Variants in SMCO4 observed in about 807,000 individuals in gnomAD.
The protein encoded by SMCO4 is single-pass membrane and coiled-coil domain-containing protein 4.
In SMCO4, 4 loss-of-function variants were observed where a neutral mutation model predicts 3.6. The ratio of observed to expected loss-of-function variants is 1.11; its 90% confidence interval spans 0.54 to 2.53. The LOEUF is 2.53. Among genes scored for constraint, SMCO4 ranks in the 30% most tolerant of loss-of-function variants. The pLI, the probability that SMCO4 is intolerant of heterozygous loss-of-function variation, is 0.02. For synonymous variants in SMCO4, 36 were observed against 35.3 expected (o/e 1.02, Z -0.07); for missense variants, 70 against 80.8 (o/e 0.87, Z 0.51).
chr11:93,479,684 A>T (rs1948569056), intron 2 of SMCO4, among the ~76,000 whole-genome samples: 1 of 152,182 alleles, frequency 6.6e-6, no homozygotes, highest in Non-Finnish European at 1.5e-5. Flanking sequence ...AACTGCAGGC[A>T]GCCTGCAGTC....
At chr11:93,531,012 T>C (rs1226861089) in intron 1 of SMCO4, among the ~76,000 whole-genome samples, 2 of 152,260 alleles carry the variant, frequency 1.3e-5, no homozygotes, top group East Asian at 3.8e-4. Context: ...ATGAGTGTGA[T>C]GGTTAATTTC....
chr11:93,523,856 G>A (rs1184492070), intron 1 of SMCO4, among the ~76,000 whole-genome samples: 2 of 152,136 alleles, frequency 1.3e-5, no homozygotes, highest in South Asian at 2.1e-4. Context: ...TGGTTAACAT[G>A]GACTTCCTTA....
intron 1 of SMCO4, among the ~76,000 whole-genome samples, chr11:93,519,053 G>C (rs1204862259): frequency 1.3e-5 from 2 of 152,212 alleles, no homozygotes; most frequent in East Asian, 1.9e-4. Context: ...GTTCTAAACT[G>C]TCAGCACTAC....
At chr11:93,546,205 G>A (rs1472330929), upstream of SMCO4, among the ~76,000 whole-genome samples, 2 of 152,230 alleles carry the variant, frequency 1.3e-5, no homozygotes, top group African/African-American at 4.8e-5. Flanking sequence ...AGCGTTTTCT[G>A]TTATGAAGCA....
At chr11:93,516,383 C>T (rs568047366) in intron 1 of SMCO4, among the ~76,000 whole-genome samples, 1 of 152,180 alleles carries the variant, frequency 6.6e-6, no homozygotes, top group Non-Finnish European at 1.5e-5. Flanking sequence ...TCTTTCTATA[C>T]CACAGTTTAC....
chr11:93,537,600 G>C (rs1458653479), intron 1 of SMCO4, among the ~76,000 whole-genome samples: 1 of 151,884 alleles, frequency 6.6e-6, no homozygotes, highest in East Asian at 1.9e-4. Flanking sequence ...CGAGAAAAGG[G>C]CTTTGCTCAG....
intron 1 of SMCO4, among the ~76,000 whole-genome samples, chr11:93,514,754 A>G (rs908901041): frequency 6.6e-6 from 1 of 152,036 alleles, no homozygotes; most frequent in Admixed American, 6.5e-5. Flanking sequence ...TTAGTTGCAA[A>G]TGGTTTACTG....
At position 93,479,159 on chromosome 11, in the gene SMCO4, CCTT is replaced by C; in HGVS notation, c.28_30del (p.Lys10del). ...CGCTCCTTCTTGTCCTTGGAGGTCT[CCTT>C]CTTGGGCTTCCCTTTGAGCTGCCGC... On this transcript the variant is annotated inframe_deletion, in exon 3 of 3. Coordinates refer to ENST00000298966, the MANE Select transcript of SMCO4 (RefSeq NM_020179.3). 2 of 1,614,074 alleles carry C rather than the reference CCTT, an allele frequency of 1.2e-6. No homozygotes were observed. The highest frequency in any genetic ancestry group is 2.2e-5 in the South Asian group (2 of 91,070).
chr11:93,512,488 T>C (rs182463135), intron 1 of SMCO4, among the ~76,000 whole-genome samples: 2 of 152,332 alleles, frequency 1.3e-5, no homozygotes, highest in East Asian at 3.9e-4. Flanking sequence ...TCCTGCAAGC[T>C]CCATTCATGG....
At chr11:93,545,386 G>A (rs1478585870), upstream of SMCO4, among the ~76,000 whole-genome samples, 10 of 151,892 alleles carry the variant, frequency 6.6e-5, no homozygotes, top group East Asian at 5.8e-4. Context: ...TCAGGAGTTC[G>A]GGATCAACCT....
chr11:93,548,150 G>A (rs1949326464), upstream of SMCO4, among the ~76,000 whole-genome samples: 2 of 152,208 alleles, frequency 1.3e-5, no homozygotes, highest in South Asian at 4.1e-4. Flanking sequence ...GCCGATGGCT[G>A]CAAATCCACA....
intron 2 of SMCO4, among the ~76,000 whole-genome samples, chr11:93,481,931 C>A (rs947654690): frequency 6.6e-6 from 1 of 152,220 alleles, no homozygotes; most frequent in African/African-American, 2.4e-5. Flanking sequence ...TTCCCTCCTG[C>A]ACTTCATGCT....
chr11:93,550,624 G>C, the SMCO4 span, among the ~76,000 whole-genome samples: 1 of 152,196 alleles, frequency 6.6e-6, no homozygotes, highest in Non-Finnish European at 1.5e-5. Flanking sequence ...ACAGTGAGCT[G>C]TTATCGCACC....
At chr11:93,514,729 C>T (rs1487019240) in intron 1 of SMCO4, among the ~76,000 whole-genome samples, 1 of 152,132 alleles carries the variant, frequency 6.6e-6, no homozygotes, top group African/African-American at 2.4e-5. Context: ...TTCACATTTT[C>T]TAGCCTCATT....
At chr11:93,535,472 GTGT>G (rs1949212545) in intron 1 of SMCO4, 4 of 1,399,310 alleles carry the variant, frequency 2.9e-6, no homozygotes, top group Non-Finnish European at 4.0e-6. Context: ...CGCCGCGATG[GTGT>G]TGTTGGAGAG....
chr11:93,552,926 G>C, the SMCO4 span, among the ~76,000 whole-genome samples: 8 of 152,010 alleles, frequency 5.3e-5, no homozygotes, highest in African/African-American at 1.9e-4. Context: ...ATCAAGGTGT[G>C]CAACTTTCCC....
At chr11:93,491,288 A>G (rs936444482) in intron 2 of SMCO4, among the ~76,000 whole-genome samples, 3 of 152,238 alleles carry the variant, frequency 2.0e-5, no homozygotes, top group African/African-American at 7.2e-5. Flanking sequence ...CCCATCTGAA[A>G]TATGCAGAAG....
chr11:93,508,880 A>G (rs1442804250), intron 1 of SMCO4, among the ~76,000 whole-genome samples: 2 of 152,252 alleles, frequency 1.3e-5, no homozygotes, highest in Non-Finnish European at 2.9e-5. Flanking sequence ...AGAGCAAAGT[A>G]GACCTCTGCA....
chr11:93,538,603 G>C (rs899337156), intron 1 of SMCO4, among the ~76,000 whole-genome samples: 16 of 152,172 alleles, frequency 1.1e-4, no homozygotes, highest in Non-Finnish European at 1.2e-4. Context: ...TTCTCTAGCT[G>C]TTAGCAGAGA....
Sources: gnomAD v4.1 joint callset for allele counts (sites outside exome capture counted in the v4.1 genomes callset) on GRCh38, gnomAD v4.1.1 for gene constraint, MANE v1.5 for transcripts, NCBI Gene and HGNC (gene_info 2026-07-23, HGNC 2026-07-21) for gene names.